SRGAP2C: variants seen among roughly 807,000 people sequenced by gnomAD.
The protein encoded by SRGAP2C is SLIT-ROBO Rho GTPase-activating protein 2C.
SRGAP2C carries 15 observed loss-of-function variants against 25.1 expected under a neutral mutation model. That is an observed-to-expected ratio of 0.60 (90% CI 0.40 to 0.92). SRGAP2C has a LOEUF of 0.92. Among genes scored for constraint, SRGAP2C ranks in the 40% least tolerant of loss-of-function variants. The pLI, the probability that SRGAP2C is intolerant of heterozygous loss-of-function variation, is 0.00. For synonymous variants in SRGAP2C, 44 were observed against 96.6 expected, an observed-to-expected ratio of 0.46 and a Z score of 3.19; for missense variants, 144 against 264.4, an observed-to-expected ratio of 0.54 and a Z score of 3.16.
At chr1:121,262,782 C>T (rs1656656302) in intron 2 of SRGAP2C, among the ~76,000 whole-genome samples, 1 of 150,272 alleles carries the variant, frequency 6.7e-6, no homozygotes, top group African/African-American at 2.4e-5. Context: ...GAGAAATGTG[C>T]CATTTAATAA....
intron 3 of SRGAP2C, among the ~76,000 whole-genome samples, chr1:121,312,683 C>G (rs1367478512): frequency 1.4e-5 from 1 of 73,980 alleles, no homozygotes; most frequent in Non-Finnish European, 2.8e-5. Context: ...TTGTTATGTA[C>G]CCAGTAGTCA....
chr1:121,304,021 G>T (rs1553339165), intron 3 of SRGAP2C, among the ~76,000 whole-genome samples: 1 of 135,472 alleles, frequency 7.4e-6, no homozygotes, highest in Non-Finnish European at 1.6e-5. Context: ...TGGCTAACAC[G>T]GTGAAACCCT....
chr1:121,201,456 C>A (rs1654974892), intron 2 of SRGAP2C, among the ~76,000 whole-genome samples: 1 of 151,200 alleles, frequency 6.6e-6, no homozygotes, highest in African/African-American at 2.5e-5. Flanking sequence ...AAGGCCAGCT[C>A]TTCTGGATTC....
intron 2 of SRGAP2C, among the ~76,000 whole-genome samples, chr1:121,278,875 T>G (rs1657171569): frequency 6.7e-6 from 1 of 148,856 alleles, no homozygotes; most frequent in Non-Finnish European, 1.5e-5. Context: ...GAGGGGCTGA[T>G]TACTGTTGTG....
At chr1:121,332,507 T>C (rs1658453652) in intron 4 of SRGAP2C, among the ~76,000 whole-genome samples, 1 of 151,890 alleles carries the variant, frequency 6.6e-6, no homozygotes, top group South Asian at 2.1e-4. Context: ...AGAAGAGTGC[T>C]GAGGAAGGAA....
rs1292939026 is a variant in SRGAP2C, at chr1:121,239,206, ATAT to A, written c.68-45596_68-45594del. ...TATATATATATATATATATATATAT[ATAT>A]ATATATATATATATATATACTATAT... On this transcript the variant is annotated intron_variant, in intron 2 of 9. Coordinates refer to ENST00000367123, the MANE Select transcript of SRGAP2C (RefSeq NM_001329984.2). 8.7e-4 allele frequency among the ~76,000 whole-genome samples: 4 copies of A among 4,576 alleles called. 1 individual carries two copies. In the African/African-American group the frequency reaches 9.2e-3, roughly 11 times the overall value. The allele number at this position is 4,576 out of a possible 152,430, so 3.0% of individuals were successfully genotyped here. A position where few individuals can be genotyped will look rare whatever the true frequency, so the allele number is the denominator to read the frequency against.
At chr1:121,264,699 C>A (rs1553334017) in intron 2 of SRGAP2C, among the ~76,000 whole-genome samples, 1 of 151,442 alleles carries the variant, frequency 6.6e-6, no homozygotes, top group Admixed American at 6.6e-5. Context: ...CTTGCTGAGC[C>A]CTAGACCAAT....
At chr1:121,314,853 A>T (rs1303855897) in intron 3 of SRGAP2C, 2 of 527,410 alleles carry the variant, frequency 3.8e-6, no homozygotes, top group South Asian at 1.6e-5. Flanking sequence ...TGCAGAAATC[A>T]CCCGTCTTCT....
In SRGAP2C at chr1:121,266,069, G is replaced by C. The variant is rs1160375033; in HGVS notation, c.68-18734G>C. On this transcript the variant is annotated intron_variant, in intron 2 of 9. Transcript: ENST00000367123. ...TGCTCACTGCAACCTTTGCATCCTG[G>C]GTTCAAGTGATTGTCATGCCTCAGA... is the stretch of plus-strand genomic sequence containing the variant. 2.0e-5 allele frequency among the ~76,000 whole-genome samples: 3 copies of C among 151,730 alleles called. No individual in the cohort carries two copies. In the East Asian group the frequency reaches 5.8e-4, roughly 29 times the overall value.
intron 2 of SRGAP2C, among the ~76,000 whole-genome samples, chr1:121,211,113 C>T (rs1240603473): frequency 6.0e-5 from 9 of 150,566 alleles, no homozygotes; most frequent in African/African-American, 2.2e-4. Flanking sequence ...GGATCCTTCT[C>T]TTCAACCTGA....
intron 3 of SRGAP2C, among the ~76,000 whole-genome samples, chr1:121,289,029 C>A (rs1657435902): frequency 6.8e-6 from 1 of 146,518 alleles, no homozygotes; most frequent in African/African-American, 2.5e-5. Context: ...ACTCAGGAGC[C>A]CAGTTGGCTT....
chr1:121,253,963 A>G (rs1309786009), intron 2 of SRGAP2C, among the ~76,000 whole-genome samples: 2 of 151,766 alleles, frequency 1.3e-5, no homozygotes, highest in Non-Finnish European at 1.5e-5. Context: ...CCCAGGCTGG[A>G]GTGCAGTGGC....
In SRGAP2C at chr1:121,355,474, C is replaced by T. The variant is rs587774399; in HGVS notation, c.424-9819C>T. Among the ~76,000 whole-genome samples, 16 of 87,114 alleles carry T rather than the reference C, an allele frequency of 1.8e-4. 4 individuals are homozygous for T. Among genetic ancestry groups the T allele is most frequent in the South Asian group, 9.8e-4 (3 of 3,076 alleles). The allele number at this position is 87,114 out of a possible 152,430, so 57.2% of individuals were successfully genotyped here. ...CTGGGACTACAGGTGCCCGCCACTA[C>T]GCCCGGCTAACTTTTTTTTTGTATT... is the stretch of plus-strand genomic sequence containing the variant. On this transcript the variant is annotated intron_variant, in intron 4 of 9. Coordinates refer to ENST00000367123, the MANE Select transcript of SRGAP2C (RefSeq NM_001329984.2).
chr1:121,313,847 C>T (rs1312205459), intron 3 of SRGAP2C, among the ~76,000 whole-genome samples: 2 of 132,936 alleles, frequency 1.5e-5, no homozygotes, highest in Non-Finnish European at 3.2e-5. Flanking sequence ...TTCTCTCTGG[C>T]TGCCCTTAAC....
chr1:121,214,126 C>CA (rs1402973839), intron 2 of SRGAP2C, among the ~76,000 whole-genome samples: 1 of 150,584 alleles, frequency 6.6e-6, no homozygotes, highest in Non-Finnish European at 1.5e-5. Flanking sequence ...CTCAGCCTCC[C>CA]AAGTAGCTGG....
intron 4 of SRGAP2C, among the ~76,000 whole-genome samples, chr1:121,343,368 C>T (rs1658675156): frequency 6.6e-6 from 1 of 152,024 alleles, no homozygotes; most frequent in African/African-American, 2.4e-5. Flanking sequence ...ATTGTACCTG[C>T]TGGCATTATT....
chr1:121,370,473 G>A (rs1208693924), intron 5 of SRGAP2C, among the ~76,000 whole-genome samples: 7 of 114,930 alleles, frequency 6.1e-5, no homozygotes, highest in East Asian at 2.6e-4. Context: ...ATGGAGTCTC[G>A]CTCTGTTGCC....
chr1:121,294,689 G>T, intron 3 of SRGAP2C, among the ~76,000 whole-genome samples: 1 of 123,026 alleles, frequency 8.1e-6, no homozygotes, highest in Non-Finnish European at 1.7e-5. Flanking sequence ...TTTTTAGGTA[G>T]CTTTTTTTTT....
intron 3 of SRGAP2C, among the ~76,000 whole-genome samples, chr1:121,304,157 G>A (rs1305282966): frequency 6.9e-6 from 1 of 144,772 alleles, no homozygotes; most frequent in African/African-American, 2.6e-5. Flanking sequence ...CTTGCAGTGA[G>A]CCGAGATCGT....
Sources: gnomAD v4.1 joint callset for allele counts (sites outside exome capture counted in the v4.1 genomes callset) on GRCh38, gnomAD v4.1.1 for gene constraint, MANE v1.5 for transcripts, NCBI Gene and HGNC (gene_info 2026-07-23, HGNC 2026-07-21) for gene names.